Variants in LRRC74B observed in about 807,000 individuals in gnomAD.
LRRC74B encodes leucine-rich repeat-containing protein 74B.
In LRRC74B, 30 loss-of-function variants were observed where a neutral mutation model predicts 16.6. That is an observed-to-expected ratio of 1.80 (90% CI 1.35 to 2.45). LRRC74B has a LOEUF of 2.45. LRRC74B is among the 30% of genes most tolerant of loss of function. LRRC74B has a pLI of 0.00. For synonymous variants in LRRC74B, 134 were observed against 86.0 expected, an observed-to-expected ratio of 1.56 and a Z score of -3.09; for missense variants, 326 against 202.4, an observed-to-expected ratio of 1.61 and a Z score of -3.71.
exon 2 of LRRC74B, chr22:21,047,361 G>T (rs761738457): frequency 7.0e-6 from 5 of 717,178 alleles, no homozygotes; most frequent in Non-Finnish European, 1.3e-5. Context: ...GCCAGGCACC[G>T]ATGGGCTTGG....
chr22:21,056,906 T>C lies in LRRC74B; in HGVS notation c.928-199T>C, dbSNP rs1930564453. 1.2e-5 allele frequency: 7 copies of C among 578,920 alleles called. No individual in the cohort carries two copies. In the Admixed American group the frequency reaches 1.8e-4, roughly 15 times the overall value. 35.9% of individuals were successfully genotyped at this position (578,920 alleles called of 1,614,324 possible). A position where few individuals can be genotyped will look rare whatever the true frequency, so the allele number is the denominator to read the frequency against. On this transcript the variant is annotated intron_variant, in intron 7 of 8. Coordinates refer to ENST00000442047, the Ensembl canonical transcript of LRRC74B. The stretch of plus-strand genomic sequence containing the variant: ...TGTGTGTCTATATCAATCGGAGGCC[T>C]CTCCCTTCCTTTCTTCCCTGACCCA...
downstream of LRRC74B, chr22:21,062,127 C>T (rs1218320456): frequency 9.2e-5 from 14 of 152,254 alleles, no homozygotes; most frequent in South Asian, 4.2e-4. Context: ...GTCGCATGAC[C>T]GCATTTATGT....
chr22:21,054,864 G>A (rs1262374810), intron 6 of LRRC74B, among the ~76,000 whole-genome samples: 1 of 152,228 alleles, frequency 6.6e-6, no homozygotes, highest in East Asian at 1.9e-4. Context: ...GCGGCAGCTG[G>A]TGTCCACCAG....
intron 8 of LRRC74B, among the ~76,000 whole-genome samples, 154 bp downstream of exon 8, chr22:21,057,354 G>A (rs1242410483): frequency 3.3e-5 from 5 of 152,220 alleles, no homozygotes; most frequent in East Asian, 1.9e-4. Context: ...CTTGAATGCA[G>A]GCATGGGGCC....
At chr22:21,055,524 C>T (rs534593838) in intron 7 of LRRC74B, among the ~76,000 whole-genome samples, 1 of 152,300 alleles carries the variant, frequency 6.6e-6, no homozygotes, top group African/African-American at 2.4e-5. Flanking sequence ...GGCCACTGCT[C>T]AGGCCCACCT....
chr22:21,060,242 G>C (rs1930745390), intron 8 of LRRC74B, 131 bp from the exon 9 acceptor site: 1 of 600,870 alleles, frequency 1.7e-6, no homozygotes, highest in South Asian at 2.2e-5. Context: ...CTAGTTTGCG[G>C]GTATGAGACT....
At chr22:21,046,475 C>G (rs1384957818) in intron 1 of LRRC74B, among the ~76,000 whole-genome samples, 1 of 152,156 alleles carries the variant, frequency 6.6e-6, no homozygotes, top group African/African-American at 2.4e-5. Flanking sequence ...TTAAAAGACA[C>G]AGCATGCAAT....
At chr22:21,062,720 A>G (rs1482270307), downstream of LRRC74B, 1 of 151,076 alleles carries the variant, frequency 6.6e-6, no homozygotes, top group Non-Finnish European at 1.5e-5. Flanking sequence ...CTCAAAAAAA[A>G]AAAAAAAAAA....
chr22:21,060,296 C>A (rs1930747497), intron 8 of LRRC74B, 77 bp from the exon 9 acceptor site: 3 of 632,952 alleles, frequency 4.7e-6, no homozygotes, highest in Admixed American at 2.5e-5. Flanking sequence ...TTCTCTGAGA[C>A]CTTGCGTGTG....
At chr22:21,052,646 C>T (rs1930166085) in intron 5 of LRRC74B, among the ~76,000 whole-genome samples, 1 of 147,178 alleles carries the variant, frequency 6.8e-6, no homozygotes, top group Non-Finnish European at 1.5e-5. Flanking sequence ...AGTCTGGTGA[C>T]ACATGCTCAC....
rs1930051438 is a variant in LRRC74B at position 21,051,581 on chromosome 22, C to T, written c.623-668C>T. Among the ~76,000 whole-genome samples the T allele has an allele frequency of 3.3e-5, 5 of 152,266 alleles. No homozygotes were observed. The South Asian group carries it at 1.0e-3, about 32-fold the overall frequency. ...TCCATCTGGTCCCCCAGCCTCTTGC[C>T]TCTGCCCCCACCCAGCCCAGTCTAT... is the stretch of plus-strand genomic sequence containing the variant. On this transcript the variant is annotated intron_variant, in intron 4 of 8. Transcript: ENST00000442047.
At chr22:21,047,445 C>A in exon 2 of LRRC74B, 1 of 717,514 alleles carries the variant, frequency 1.4e-6, no homozygotes, top group East Asian at 2.7e-5. Flanking sequence ...CTGCTTTCTG[C>A]GCCAAGGGAG....
chr22:21,054,747 C>A (rs1930355174), intron 6 of LRRC74B, among the ~76,000 whole-genome samples: 1 of 152,156 alleles, frequency 6.6e-6, no homozygotes, highest in Non-Finnish European at 1.5e-5. Context: ...GGAGGAGAGG[C>A]CTTGAACATA....
downstream of LRRC74B, among the ~76,000 whole-genome samples, chr22:21,061,535 TGCCTGTAGCCCCA>T (rs67633627): frequency 0.23 from 35,194 of 151,456 alleles, 5,295 homozygotes; most frequent in African/African-American, 0.44. Context: ...CAGTGGCACG[TGCCTGTAGCCCCA>T]GCCATTCAGA....
intron 2 of LRRC74B, 148 bp downstream of exon 2, chr22:21,047,646 G>A: frequency 3.2e-6 from 2 of 623,094 alleles, no homozygotes; most frequent in South Asian, 1.9e-5. Flanking sequence ...GGAGACAGAT[G>A]GGATTGAGGC....
chr22:21,048,770 A>G, intron 3 of LRRC74B, 181 bp from the exon 4 acceptor site: 2 of 599,078 alleles, frequency 3.3e-6, no homozygotes. Context: ...GCACACAGGG[A>G]GGGGGAGGTC....
intron 1 of LRRC74B, among the ~76,000 whole-genome samples, chr22:21,046,746 C>A (rs1301973529): frequency 6.6e-6 from 1 of 152,072 alleles, no homozygotes; most frequent in Admixed American, 6.5e-5. Context: ...AGCCTTCTGC[C>A]TCAGCCTCCT....
downstream of LRRC74B, chr22:21,063,510 C>T (rs1200682911): frequency 6.6e-6 from 1 of 150,458 alleles, no homozygotes; most frequent in Non-Finnish European, 1.5e-5. Flanking sequence ...TGAGACCAGC[C>T]TGGGCAACAT....
At chr22:21,046,943 A>C (rs1929494813) in intron 1 of LRRC74B, among the ~76,000 whole-genome samples, 1 of 151,504 alleles carries the variant, frequency 6.6e-6, no homozygotes, top group South Asian at 2.1e-4. Context: ...AATACAAAAA[A>C]CTAGCCCAGT....
Sources: allele counts gnomAD v4.1 joint callset (sites outside exome capture counted in the v4.1 genomes callset), GRCh38; gene constraint gnomAD v4.1.1; transcripts MANE v1.5; gene names NCBI Gene and HGNC (gene_info 2026-07-23, HGNC 2026-07-21).